NTNG1: variants seen among roughly 807,000 people sequenced by gnomAD.
The protein encoded by NTNG1 is netrin G1, also known as netrin-G1.
A neutral mutation model predicts 54.0 loss-of-function variants in NTNG1; 16 were observed. The observed-to-expected ratio is 0.30, with a 90% CI of 0.20 to 0.45. NTNG1 has a LOEUF of 0.45. Among genes scored for constraint, NTNG1 ranks in the 20% least tolerant of loss-of-function variants. NTNG1 has a pLI of 1.00. For missense variants in NTNG1, 530 were observed against 678.7 expected (o/e 0.78, Z 2.43); for synonymous variants, 255 against 263.1 (o/e 0.97, Z 0.30).
chr1:107,454,861 A>T lies in NTNG1; in HGVS notation c.1390+18062A>T, dbSNP rs1676840708. On this transcript the variant is annotated intron_variant, in intron 7 of 7. Transcript: ENST00000370068. ...GAAACCAAGCTTACAGAGGTGAAGC[A>T]CATTTGAGGTCAGGAATTTAGAAGA... is the stretch of plus-strand genomic sequence containing the variant. 2.0e-5 allele frequency among the ~76,000 whole-genome samples: 3 copies of T among 152,208 alleles called. No individual in the cohort carries two copies. The South Asian group carries it at 6.2e-4, about 32-fold the overall frequency.
At chr1:107,430,549 C>T in intron 5 of NTNG1, 2 of 713,664 alleles carry the variant, frequency 2.8e-6, no homozygotes, top group Non-Finnish European at 5.1e-6. Context: ...TCCGAATGTC[C>T]GACCTTTCTA....
At chr1:107,423,448 A>T (rs1053315744) in intron 5 of NTNG1, among the ~76,000 whole-genome samples, 10 of 152,086 alleles carry the variant, frequency 6.6e-5, no homozygotes, top group African/African-American at 2.2e-4. Context: ...CCAAAATGGC[A>T]ATCGTGCCAA....
rs72985580 is a variant in NTNG1, at chr1:107,356,128, T to C, written c.887+31206T>C. Among the ~76,000 whole-genome samples, 998 of 152,282 alleles carry C rather than the reference T, an allele frequency of 6.6e-3. 13 individuals carry two copies. Among genetic ancestry groups the C allele is most frequent in the African/African-American group, 0.023 (960 of 41,564 alleles). ...GTCTCCATCCTGGTTATACTTAGGGTTGTATCCAGTGATTATGCACATCTG... is the reference window on the plus strand; with the variant it reads ...GTCTCCATCCTGGTTATACTTAGGGCTGTATCCAGTGATTATGCACATCTG... On this transcript the variant is annotated intron_variant, in intron 3 of 7. Transcript: ENST00000370068.
intron 3 of NTNG1, among the ~76,000 whole-genome samples, chr1:107,354,504 C>T (rs1303148224): frequency 3.3e-5 from 5 of 150,940 alleles, no homozygotes; most frequent in Non-Finnish European, 7.4e-5. Context: ...AATTAAATCA[C>T]CCCAAGTATT....
intron 2 of NTNG1, among the ~76,000 whole-genome samples, chr1:107,226,666 C>T (rs904368200): frequency 6.6e-6 from 1 of 152,110 alleles, no homozygotes; most frequent in Non-Finnish European, 1.5e-5. Context: ...AACAATATCT[C>T]TTTGACTGTC....
At chr1:107,237,274 G>A (rs927255694) in intron 2 of NTNG1, among the ~76,000 whole-genome samples, 45 of 152,180 alleles carry the variant, frequency 3.0e-4, no homozygotes, top group African/African-American at 9.7e-4. Context: ...GAACTTGAGA[G>A]TGATGATTTA....
At chr1:107,349,034 C>A (rs1224503816) in intron 3 of NTNG1, among the ~76,000 whole-genome samples, 1 of 152,170 alleles carries the variant, frequency 6.6e-6, no homozygotes, top group African/African-American at 2.4e-5. Flanking sequence ...GCCCTTGCCT[C>A]TCTCTGACTT....
At chr1:107,290,547 C>G in intron 2 of NTNG1, among the ~76,000 whole-genome samples, 1 of 151,844 alleles carries the variant, frequency 6.6e-6, no homozygotes, top group Admixed American at 6.6e-5. Flanking sequence ...ATAAACTTGC[C>G]TTAAAAGTGT....
chr1:107,324,804 T>A lies in NTNG1; in HGVS notation c.769T>A (p.Phe257Ile), dbSNP rs1667853361. 6.2e-7 allele frequency: 1 copy of A among 1,613,546 alleles called. No homozygotes were observed. The highest frequency in any genetic ancestry group is 1.7e-5 in the Admixed American group (1 of 59,892). The part of the protein sequence containing the change: ...LDTTKKLRDF[F>I]TVTDLRIRLL... ...TACAACCAAGAAACTCAGAGATTTCTTTACAGTCACAGACCTGAGGATAAG... is the reference window on the plus strand; with the variant it reads ...TACAACCAAGAAACTCAGAGATTTCATTACAGTCACAGACCTGAGGATAAG... Residue 257 changes from phenylalanine to isoleucine, a missense_variant, in exon 3 of 8, where the codon TTT (phenylalanine) becomes ATT (isoleucine). Coordinates refer to ENST00000370068, the MANE Select transcript of NTNG1 (RefSeq NM_001113226.3).
At chr1:107,262,211 C>T (rs972751656) in intron 2 of NTNG1, among the ~76,000 whole-genome samples, 1 of 152,094 alleles carries the variant, frequency 6.6e-6, no homozygotes, top group African/African-American at 2.4e-5. Flanking sequence ...TGTAGTAACA[C>T]AATTAGTAAA....
chr1:107,444,734 A>G (rs1676204564), intron 7 of NTNG1, among the ~76,000 whole-genome samples: 1 of 152,178 alleles, frequency 6.6e-6, no homozygotes, highest in Admixed American at 6.6e-5. Context: ...TAACAGTGAA[A>G]GGTGTATGAA....
In NTNG1 at chr1:107,297,780, C is replaced by T. The variant is rs563324725; in HGVS notation, c.247-26502C>T. On this transcript the variant is annotated intron_variant, in intron 2 of 7. Coordinates refer to ENST00000370068, the MANE Select transcript of NTNG1 (RefSeq NM_001113226.3). Reference sequence around the variant, plus strand: ...AGGAATTCTGCCACACAGCAGAGCCCAGTTACATTGTGGGGACATAAATCT... The same window carrying T: ...AGGAATTCTGCCACACAGCAGAGCCTAGTTACATTGTGGGGACATAAATCT... Among the ~76,000 whole-genome samples the T allele has an allele frequency of 1.2e-3, 188 of 152,178 alleles. 1 individual carries two copies. Among genetic ancestry groups the T allele is most frequent in the African/African-American group, 4.4e-3 (183 of 41,520 alleles).
At chr1:107,300,008 C>T (rs1327827827) in intron 2 of NTNG1, among the ~76,000 whole-genome samples, 1 of 152,112 alleles carries the variant, frequency 6.6e-6, no homozygotes, top group African/African-American at 2.4e-5. Context: ...TGGCCGTTGC[C>T]ATTTTCCTTT....
intron 2 of NTNG1, among the ~76,000 whole-genome samples, chr1:107,159,832 G>C (rs1655280989): frequency 1.3e-5 from 2 of 152,178 alleles, no homozygotes; most frequent in African/African-American, 4.8e-5. Context: ...ATTACGTGAT[G>C]AGTGTCTTCA....
intron 2 of NTNG1, among the ~76,000 whole-genome samples, chr1:107,222,474 T>C (rs1000012192): frequency 1.3e-5 from 2 of 152,158 alleles, no homozygotes; most frequent in African/African-American, 4.8e-5. Flanking sequence ...AGGAATGAAA[T>C]GTGGTAGCAT....
chr1:107,324,277 C>T lies in NTNG1; in HGVS notation c.247-5C>T. On this transcript the variant is annotated splice_region_variant and splice_polypyrimidine_tract_variant and intron_variant, in intron 2 of 7. Transcript: ENST00000370068. The stretch of plus-strand genomic sequence containing the variant: ...GATGCACGCTCTTTTGTTCTTCTTC[C>T]ATAGGGCAATCCCTACATGTGCAAT... The T allele has an allele frequency of 6.2e-7, 1 of 1,611,102 alleles. No individual in the cohort carries two copies. The highest frequency in any genetic ancestry group is 8.5e-7 in the Non-Finnish European group (1 of 1,177,824).
At chr1:107,260,856 C>A (rs1663267127) in intron 2 of NTNG1, 1 of 152,304 alleles carries the variant, frequency 6.6e-6, no homozygotes, top group Non-Finnish European at 1.5e-5. Context: ...GCTTCTGTTG[C>A]CTGACAAACC....
intron 2 of NTNG1, among the ~76,000 whole-genome samples, chr1:107,322,710 G>A (rs1400042342): frequency 2.0e-5 from 3 of 152,046 alleles, no homozygotes; most frequent in Non-Finnish European, 4.4e-5. Context: ...TGCCACAGAC[G>A]CTGGGATCAG....
intron 2 of NTNG1, among the ~76,000 whole-genome samples, chr1:107,182,052 A>G (rs1657112042): frequency 6.6e-6 from 1 of 152,152 alleles, no homozygotes; most frequent in African/African-American, 2.4e-5. Flanking sequence ...AAGAAAACCC[A>G]GAAAACTCTA....
Sources: gnomAD v4.1 joint callset for allele counts (sites outside exome capture counted in the v4.1 genomes callset) on GRCh38, gnomAD v4.1.1 for gene constraint, MANE v1.5 for transcripts, NCBI Gene and HGNC (gene_info 2026-07-23, HGNC 2026-07-21) for gene names.